The following PIGR variants were observed in gnomAD, a reference collection of about 807,000 sequenced individuals.
PIGR encodes the protein hepatocellular carcinoma associated protein TB6.
In PIGR, 22 loss-of-function variants were observed where a neutral mutation model predicts 69.5. The ratio of observed to expected loss-of-function variants is 0.32; its 90% CI spans 0.23 to 0.45. PIGR has a LOEUF of 0.45. PIGR is among the 20% of genes least tolerant of loss of function. PIGR has a pLI of 1.00. For synonymous variants in PIGR, 413 were observed against 407.6 expected (o/e 1.01, Z -0.16); for missense variants, 885 against 974.0 (o/e 0.91, Z 1.22).
intron 2 of PIGR, among the ~76,000 whole-genome samples, chr1:206,940,244 AAAG>A (rs1679955501): frequency 6.6e-6 from 1 of 152,162 alleles, no homozygotes; most frequent in Non-Finnish European, 1.5e-5. Flanking sequence ...TGTTATTCTC[AAAG>A]AAGATCTTTC....
In PIGR at chr1:206,931,854, G is replaced by A. The variant is rs762599896; in HGVS notation, c.2009-52C>T. 2.5e-6 allele frequency: 4 copies of A among 1,606,722 alleles called. No homozygotes were observed. The South Asian group carries it at 4.4e-5, about 18-fold the overall frequency. On this transcript the variant is annotated intron_variant, in intron 8 of 10. Transcript: ENST00000356495. ...TAAGGACAGGGGCTGGGACCTAGAA[G>A]GCCAGGCTGGGCTGCTTCTCTCTGG...
Position 206,935,415 on chromosome 1 carries a change from G to A in PIGR, c.1378+71C>T. 1 of 1,314,298 alleles carries A rather than the reference G, an allele frequency of 7.6e-7. No homozygotes were observed. The highest frequency in any genetic ancestry group is 1.1e-6 in the Non-Finnish European group (1 of 935,018). The allele number at this position is 1,314,298 out of a possible 1,614,324, so 81.4% of individuals were successfully genotyped here. On this transcript the variant is annotated intron_variant, in intron 5 of 10. Transcript: ENST00000356495. The surrounding 1 kb of genome is among the most constrained non-coding windows in gnomAD (Gnocchi z 4.4). ...AGGGTGGAGGCGGGTGAAAAAGGAG[G>A]AAGAGTGGTTGGGGATGCTGCTGCT...
intron 1 of PIGR, among the ~76,000 whole-genome samples, chr1:206,945,057 G>A (rs1680077709): frequency 1.3e-5 from 2 of 152,252 alleles, no homozygotes; most frequent in Admixed American, 6.5e-5. Context: ...GAGGTCTAGC[G>A]GCACTAGGAG....
Position 206,939,378 on chromosome 1 carries a change from T to G in PIGR, c.129A>C (p.Pro43=), listed in dbSNP as rs769405117. ...GNSVSITCYY[P]PTSVNRHTRK... ...GGGTGTGCCGGTTGACAGAGGTGGGTGGGTAGTAGCACGTGATGGACACTG... is the reference window on the plus strand; with the variant it reads ...GGGTGTGCCGGTTGACAGAGGTGGGGGGGTAGTAGCACGTGATGGACACTG... Residue 43 remains proline (P), a synonymous_variant, in exon 3 of 11, where the codon CCA becomes CCC. Coordinates refer to ENST00000356495, the MANE Select transcript of PIGR (RefSeq NM_002644.4). The G allele has an allele frequency of 1.2e-6, 2 of 1,614,120 alleles. No individual in the cohort carries two copies. Among genetic ancestry groups the G allele is most frequent in the South Asian group, 1.1e-5 (1 of 91,064 alleles).
rs546077377 is a variant in PIGR, at chr1:206,930,310, G to A, written c.*8C>T. Reference sequence around the variant, plus strand: ...GTCATGGGTGCAGGGAGCAGGCGGCGACACCGTCTAGGCTTCCTGGGGGCC... The same window carrying A: ...GTCATGGGTGCAGGGAGCAGGCGGCAACACCGTCTAGGCTTCCTGGGGGCC... On this transcript the variant is annotated 3_prime_UTR_variant, in exon 11 of 11. Coordinates refer to ENST00000356495, the MANE Select transcript of PIGR (RefSeq NM_002644.4). This position sits in a 1 kb window ranked among gnomAD's most constrained non-coding sequence, Gnocchi z 4.3. 1.6e-5 allele frequency: 26 copies of A among 1,608,046 alleles called. No individual in the cohort carries two copies. In the Admixed American group the frequency reaches 2.5e-4, roughly 16 times the overall value.
Position 206,935,519 on chromosome 1 carries a change from A to C in PIGR, c.1345T>G (p.Trp449Gly). Reference sequence around the variant, plus strand: ...ATCTTGATCTCCACGGTGGTCCTCCAGAGAGTATCGCCGTTGGTCAGACAC... The same window carrying C: ...ATCTTGATCTCCACGGTGGTCCTCCCGAGAGTATCGCCGTTGGTCAGACAC... Reference protein sequence around the residue: ...YWCLTNGDTLWRTTVEIKIIE... With the variant: ...YWCLTNGDTLGRTTVEIKIIE... The change falls in exon 5 of 11, where the codon TGG becomes GGG. Residue 449 changes from tryptophan to glycine, a missense_variant. Coordinates refer to ENST00000356495, the MANE Select transcript of PIGR (RefSeq NM_002644.4). This position sits in a 1 kb window ranked among gnomAD's most constrained non-coding sequence, Gnocchi z 4.4. 1 of 1,614,044 alleles carries C rather than the reference A, an allele frequency of 6.2e-7. No homozygotes were observed. Among genetic ancestry groups the C allele is most frequent in the Non-Finnish European group, 8.5e-7 (1 of 1,179,950 alleles).
chr1:206,935,923 A>C lies in PIGR; in HGVS notation c.1046-105T>G, dbSNP rs1481704468. Reference sequence around the variant, plus strand: ...GGGTCTCAGCCAGGATGGGGAGTGAAGTTTACACGCATCACCTTACCCTCT... The same window carrying C: ...GGGTCTCAGCCAGGATGGGGAGTGACGTTTACACGCATCACCTTACCCTCT... On this transcript the variant is annotated intron_variant, in intron 4 of 10. Transcript: ENST00000356495. This position sits in a 1 kb window ranked among gnomAD's most constrained non-coding sequence, Gnocchi z 4.4. 3.9e-6 allele frequency: 3 copies of C among 761,982 alleles called. No homozygotes were observed. Among genetic ancestry groups the C allele is most frequent in the Middle Eastern group, 7.7e-4 (2 of 2,612 alleles). 47.2% of individuals were successfully genotyped at this position (761,982 alleles called of 1,614,324 possible).
chr1:206,933,128 G>T lies in PIGR; in HGVS notation c.1744C>A (p.Pro582Thr), dbSNP rs1430494167. 1.2e-6 allele frequency: 2 copies of T among 1,613,994 alleles called. No homozygotes were observed. The highest frequency in any genetic ancestry group is 1.7e-6 in the Non-Finnish European group (2 of 1,180,036). The part of the protein sequence containing the change: ...DVSLAKADAA[P>T]DEKVLDSGFR... ...CCAGAGTCTAGCACCTTCTCATCAG[G>T]AGCAGCGTCTGCCTTCGCTAGGCTG... Residue 582 changes from proline to threonine, a missense_variant, in exon 7 of 11, where the codon CCT (proline) becomes ACT (threonine). Coordinates refer to ENST00000356495, the MANE Select transcript of PIGR (RefSeq NM_002644.4).
chr1:206,934,839 T>C, intron 5 of PIGR, 93 bp from the exon 6 acceptor site: 1 of 763,086 alleles, frequency 1.3e-6, no homozygotes. Flanking sequence ...TGTCCACATG[T>C]CATATACATA....
chr1:206,931,206 C>T, intron 10 of PIGR: 1 of 985,430 alleles, frequency 1.0e-6, no homozygotes. Context: ...TTGTAGCTTC[C>T]CATCTTTTAT....
In PIGR at chr1:206,937,763, G is replaced by A; in HGVS notation, c.389-12C>T. ...TAGGAGCCCAGGACCTGCAGGATGA[G>A]GGGTGCAAGGTAGGGGGCAGGCAAG... On this transcript the variant is annotated splice_polypyrimidine_tract_variant and intron_variant, in intron 3 of 10. Transcript: ENST00000356495. 2 of 1,612,742 alleles carry A rather than the reference G, an allele frequency of 1.2e-6. No homozygotes were observed. The highest frequency in any genetic ancestry group is 2.2e-5 in the South Asian group (2 of 90,662).
At position 206,937,528 on chromosome 1, in the gene PIGR, G is replaced by A. The variant is rs200034772; in HGVS notation, c.612C>T (p.Ser204=). Residue 204 remains serine (S), a synonymous_variant, in exon 4 of 11, where the codon AGC becomes AGT. Transcript: ENST00000356495. The stretch of plus-strand genomic sequence containing the variant: ...TGAGCCTGAGTTGGTTGATGACAAC[G>A]CTGAACAGTAACTGGCCAGTACCCT... The part of the protein sequence containing the change: ...DIQGTGQLLF[S]VVINQLRLSD... 1.6e-5 allele frequency: 26 copies of A among 1,614,162 alleles called. No homozygotes were observed. In the East Asian group the frequency reaches 3.1e-4, roughly 19 times the overall value.
intron 8 of PIGR, 82 bp from the exon 9 acceptor site, chr1:206,931,884 A>C: frequency 1.3e-6 from 2 of 1,507,212 alleles, no homozygotes; most frequent in Non-Finnish European, 1.8e-6. Context: ...CTCTGGGCGG[A>C]TCCACTGTAG....
Position 206,930,410 on chromosome 1 carries a change from A to T in PIGR, c.2203T>A (p.Ser735Thr). Residue 735 changes from serine to threonine, a missense_variant, in exon 11 of 11, where the codon TCC becomes ACC. Physicochemically the swap from Ser to Thr is moderately conservative, Grantham distance 58. Coordinates refer to ENST00000356495, the MANE Select transcript of PIGR (RefSeq NM_002644.4). This position sits in a 1 kb window ranked among gnomAD's most constrained non-coding sequence, Gnocchi z 4.3. ...TAGGCCATCTCGGCTTCCTCCTTGG[A>T]TGACTAAGGGGCAAGAGGAGAGGCA... Reference protein sequence around the residue: ...TKEPKKAKRSSKEEAEMAYKD... With the variant: ...TKEPKKAKRSTKEEAEMAYKD... 1 of 1,612,854 alleles carries T rather than the reference A, an allele frequency of 6.2e-7. No individual in the cohort carries two copies. The highest frequency in any genetic ancestry group is 8.5e-7 in the Non-Finnish European group (1 of 1,179,458).
intron 1 of PIGR, among the ~76,000 whole-genome samples, chr1:206,944,769 G>A (rs972325053): frequency 6.6e-6 from 1 of 152,066 alleles, no homozygotes; most frequent in Non-Finnish European, 1.5e-5. Context: ...TTTTAAGTTG[G>A]ATAGTTTGCT....
Position 206,935,411 on chromosome 1 carries a change from G to A in PIGR, c.1378+75C>T. ...CATCAGGGTGGAGGCGGGTGAAAAA[G>A]GAGGAAGAGTGGTTGGGGATGCTGC... On this transcript the variant is annotated intron_variant, in intron 5 of 10. Transcript: ENST00000356495. The surrounding 1 kb of genome is among the most constrained non-coding windows in gnomAD (Gnocchi z 4.4). The A allele has an allele frequency of 7.8e-7, 1 of 1,285,940 alleles. No individual in the cohort carries two copies. The highest frequency in any genetic ancestry group is 1.8e-5 in the Admixed American group (1 of 55,622). The allele number at this position is 1,285,940 out of a possible 1,614,324, so 79.7% of individuals were successfully genotyped here.
chr1:206,938,535 G>T (rs547158997), intron 3 of PIGR, among the ~76,000 whole-genome samples: 1 of 152,234 alleles, frequency 6.6e-6, no homozygotes, highest in Non-Finnish European at 1.5e-5. Context: ...TTAAACCCTT[G>T]TCAGAAAGAG....
chr1:206,931,568 A>AGAGG lies in PIGR; in HGVS notation c.2141-17_2141-14dup. 1 of 1,613,962 alleles carries AGAGG rather than the reference A, an allele frequency of 6.2e-7. No homozygotes were observed. Among genetic ancestry groups the AGAGG allele is most frequent in the Non-Finnish European group, 8.5e-7 (1 of 1,179,926 alleles). On this transcript the variant is annotated splice_polypyrimidine_tract_variant and intron_variant, in intron 9 of 10. Coordinates refer to ENST00000356495, the MANE Select transcript of PIGR (RefSeq NM_002644.4). ...GTGGCAACAAACTCTGTGTGAAGAA[A>AGAGG]GAGGGTAGGTTAGCCCTTACTAGCC...
chr1:206,943,894 C>G (rs536998135), intron 1 of PIGR, among the ~76,000 whole-genome samples: 1 of 152,300 alleles, frequency 6.6e-6, no homozygotes, highest in South Asian at 2.1e-4. Context: ...TCCATTTTTA[C>G]AGCCACCATA....
Sources: allele counts gnomAD v4.1 joint callset (sites outside exome capture counted in the v4.1 genomes callset), GRCh38; gene constraint gnomAD v4.1.1; non-coding constraint Gnocchi (gnomAD v3.1); transcripts MANE v1.5; gene names NCBI Gene and HGNC (gene_info 2026-07-23, HGNC 2026-07-21).